FBXL17: variants seen among roughly 807,000 people sequenced by gnomAD.
The protein encoded by FBXL17 is F-box and leucine rich repeat protein 17.
Under a neutral mutation model 66.2 loss-of-function variants are expected in FBXL17, and 22 were observed. The ratio of observed to expected loss-of-function variants is 0.33; its 90% CI spans 0.24 to 0.47. The LOEUF is 0.47. Ranked by LOEUF, FBXL17 falls within the 20% of genes least tolerant of loss-of-function variation. The pLI is 1.00. For synonymous variants in FBXL17, 474 were observed against 400.5 expected (o/e 1.18, Z -2.19); for missense variants, 878 against 948.2 (o/e 0.93, Z 0.97).
At position 107,861,181 on chromosome 5, in the gene FBXL17, T is replaced by C. The variant is rs138909446; in HGVS notation, c.*539A>G. 3.4e-4 allele frequency: 52 copies of C among 152,332 alleles called. No homozygotes were observed. The highest frequency in any genetic ancestry group is 1.2e-3 in the African/African-American group (50 of 41,576). 9.4% of individuals were successfully genotyped at this position (152,332 alleles called of 1,614,324 possible). A position where few individuals can be genotyped will look rare whatever the true frequency, so the allele number is the denominator to read the frequency against. On this transcript the variant is annotated 3_prime_UTR_variant, in exon 9 of 9. Transcript: ENST00000542267. ...GGCAGTGCCACAGTGGATAACATGC[T>C]ACCTTAGTGGCCTGGAAGAAGGCTT...
chr5:108,199,938 A>G (rs1753822554), intron 5 of FBXL17, among the ~76,000 whole-genome samples: 1 of 152,130 alleles, frequency 6.6e-6, no homozygotes, highest in Admixed American at 6.6e-5. Context: ...TAGCAACAGC[A>G]GGAAACCACC....
chr5:107,878,891 C>A (rs1362228105), intron 8 of FBXL17: 4 of 985,476 alleles, frequency 4.1e-6, no homozygotes, highest in Non-Finnish European at 4.8e-6. Flanking sequence ...AGGCTCTGAC[C>A]AGACGGCGTC....
At chr5:108,274,877 A>G (rs954761151) in intron 4 of FBXL17, among the ~76,000 whole-genome samples, 1 of 152,220 alleles carries the variant, frequency 6.6e-6, no homozygotes, top group African/African-American at 2.4e-5. Flanking sequence ...ATTTATTACA[A>G]TATTTAAAAA....
At chr5:108,002,642 T>G (rs1170932888) in intron 7 of FBXL17, among the ~76,000 whole-genome samples, 1 of 152,080 alleles carries the variant, frequency 6.6e-6, no homozygotes, top group African/African-American at 2.4e-5. Context: ...GTCCATCAAC[T>G]GGTGAAAGGA....
At chr5:108,357,437 A>C (rs1378588190) in intron 3 of FBXL17, among the ~76,000 whole-genome samples, 1 of 152,052 alleles carries the variant, frequency 6.6e-6, no homozygotes, top group Non-Finnish European at 1.5e-5. Context: ...AGCAGGCAGA[A>C]AATTAGTAAA....
In FBXL17 at chr5:108,037,289, G is replaced by A. The variant is rs547736255; in HGVS notation, c.1746-16288C>T. Reference sequence around the variant, plus strand: ...AACTCATTTTACACTTCTTGATATTGGAAAAGAAACATTTACCTAAGGGAG... The same window carrying A: ...AACTCATTTTACACTTCTTGATATTAGAAAAGAAACATTTACCTAAGGGAG... On this transcript the variant is annotated intron_variant, in intron 6 of 8. Transcript: ENST00000542267. Among the ~76,000 whole-genome samples the A allele has an allele frequency of 2.0e-5, 3 of 152,072 alleles. No individual in the cohort carries two copies. The South Asian group carries it at 6.2e-4, about 32-fold the overall frequency.
At chr5:108,021,153 G>A in intron 6 of FBXL17, 152 bp from the exon 7 acceptor site, 1 of 544,426 alleles carries the variant, frequency 1.8e-6, no homozygotes, top group East Asian at 2.9e-5. Context: ...TTAAAGTCAA[G>A]TGCTGTCATA....
In FBXL17 at chr5:108,221,514, C is replaced by G. The variant is rs777345998; in HGVS notation, c.1614+2607G>C. 3.5e-4 allele frequency among the ~76,000 whole-genome samples: 54 copies of G among 152,264 alleles called. 1 individual carries two copies. Among genetic ancestry groups the G allele is most frequent in the East Asian group, 9.7e-4 (5 of 5,180 alleles). ...AACTAAGGTACAGAAATTTTATGCT[C>G]TTTGCCTCTCTCTTAGCAAACTTAG... On this transcript the variant is annotated intron_variant, in intron 5 of 8. Coordinates refer to ENST00000542267, the MANE Select transcript of FBXL17 (RefSeq NM_001163315.3).
chr5:108,169,555 C>T (rs1752531512), intron 6 of FBXL17, among the ~76,000 whole-genome samples: 1 of 152,070 alleles, frequency 6.6e-6, no homozygotes, highest in Admixed American at 6.6e-5. Flanking sequence ...TTTTATCCCC[C>T]TGTATTTAGT....
At chr5:107,954,708 G>A (rs1316189710) in intron 7 of FBXL17, among the ~76,000 whole-genome samples, 1 of 152,158 alleles carries the variant, frequency 6.6e-6, no homozygotes, top group African/African-American at 2.4e-5. Context: ...TGAATGAAAA[G>A]ACAGCAGATG....
chr5:108,077,936 A>G (rs1269991248), intron 6 of FBXL17, among the ~76,000 whole-genome samples: 1 of 152,152 alleles, frequency 6.6e-6, no homozygotes, highest in African/African-American at 2.4e-5. Context: ...ACGCACACCA[A>G]CTTACATATA....
chr5:108,207,130 G>C (rs576644044), intron 5 of FBXL17, among the ~76,000 whole-genome samples: 13 of 152,218 alleles, frequency 8.5e-5, no homozygotes, highest in Admixed American at 2.0e-4. Context: ...AAAGTGATGT[G>C]AATGTGGTCT....
intron 6 of FBXL17, among the ~76,000 whole-genome samples, chr5:108,162,124 A>C (rs1752239640): frequency 6.6e-6 from 1 of 152,232 alleles, no homozygotes; most frequent in East Asian, 1.9e-4. Context: ...TTCATGTTAA[A>C]TTTTAAACTA....
intron 7 of FBXL17, among the ~76,000 whole-genome samples, chr5:107,957,069 A>G (rs1427916031): frequency 6.6e-6 from 1 of 152,192 alleles, no homozygotes; most frequent in African/African-American, 2.4e-5. Context: ...TTTGAGATTT[A>G]CATGGCTTCA....
At chr5:108,290,606 AC>A (rs144759686) in intron 4 of FBXL17, among the ~76,000 whole-genome samples, 3,731 of 152,148 alleles carry the variant, frequency 0.025, 148 homozygotes, top group African/African-American at 0.085. Context: ...ATTTTGGGGG[AC>A]TTTCTATTCA....
intron 7 of FBXL17, among the ~76,000 whole-genome samples, chr5:107,882,356 T>A (rs922005824): frequency 8.3e-5 from 5 of 60,454 alleles, no homozygotes; most frequent in African/African-American, 1.6e-4. Flanking sequence ...TACCTCAGTA[T>A]TTTTTTTTTT....
At chr5:108,233,713 A>G (rs1331534139) in intron 4 of FBXL17, among the ~76,000 whole-genome samples, 4 of 152,208 alleles carry the variant, frequency 2.6e-5, no homozygotes, top group Non-Finnish European at 5.9e-5. Flanking sequence ...GTGTTACACC[A>G]GGAAAAGCAC....
At chr5:108,325,124 A>G (rs1447071458) in intron 4 of FBXL17, among the ~76,000 whole-genome samples, 1 of 152,122 alleles carries the variant, frequency 6.6e-6, no homozygotes, top group Non-Finnish European at 1.5e-5. Flanking sequence ...TGGTTACACA[A>G]CACTGTGAAT....
chr5:107,948,205 G>A (rs968200736), intron 7 of FBXL17, among the ~76,000 whole-genome samples: 5 of 152,030 alleles, frequency 3.3e-5, no homozygotes, highest in African/African-American at 1.2e-4. Context: ...GTAGTCTCTT[G>A]TTTTAACTTT....
Sources: allele counts gnomAD v4.1 joint callset (sites outside exome capture counted in the v4.1 genomes callset), GRCh38; gene constraint gnomAD v4.1.1; transcripts MANE v1.5; gene names NCBI Gene and HGNC (gene_info 2026-07-23, HGNC 2026-07-21).